Variants in HEG1 observed in about 807,000 individuals in gnomAD.
HEG1 encodes heart development protein with EGF like domains 1.
HEG1 carries 56 observed loss-of-function variants against 125.6 expected under a neutral mutation model. The observed-to-expected ratio is 0.45, with a 90% CI of 0.36 to 0.56. The LOEUF is 0.56. Ranked by LOEUF, HEG1 falls within the 20% of genes least tolerant of loss-of-function variation. HEG1 has a pLI of 0.00. For missense variants in HEG1, 1,523 were observed against 1,670.0 expected (o/e 0.91, Z 1.53); for synonymous variants, 644 against 668.5 (o/e 0.96, Z 0.57).
rs191714089 is a variant in HEG1, at chr3:124,989,923, T to C, written c.3733+864A>G. On this transcript the variant is annotated intron_variant, in intron 14 of 16. Coordinates refer to ENST00000311127, the MANE Select transcript of HEG1 (RefSeq NM_020733.2). ...CCCAACCCCAACAGTTCAGACCTCATATACTTTGCCAATCCAAATCCTCTA... is the reference window on the plus strand; with the variant it reads ...CCCAACCCCAACAGTTCAGACCTCACATACTTTGCCAATCCAAATCCTCTA... 2.2e-4 allele frequency among the ~76,000 whole-genome samples: 33 copies of C among 152,272 alleles called. No individual in the cohort carries two copies. The East Asian group carries it at 5.2e-3, about 24-fold the overall frequency.
chr3:125,017,326 A>C (rs1937266355), intron 5 of HEG1, among the ~76,000 whole-genome samples: 1 of 152,264 alleles, frequency 6.6e-6, no homozygotes, highest in African/African-American at 2.4e-5. Context: ...AAGTGCTGGG[A>C]TTACAGGCGT....
intron 11 of HEG1, among the ~76,000 whole-genome samples, chr3:124,999,265 C>A (rs1202786129): frequency 3.3e-5 from 5 of 152,166 alleles, no homozygotes; most frequent in Non-Finnish European, 7.3e-5. Flanking sequence ...GACAGAATTT[C>A]CTTTGTTTAT....
chr3:125,021,870 T>G (rs1331053142), intron 3 of HEG1, among the ~76,000 whole-genome samples: 2 of 152,218 alleles, frequency 1.3e-5, no homozygotes, highest in African/African-American at 2.4e-5. Context: ...CTTTGCCCCA[T>G]TAAGCTTTAG....
intron 12 of HEG1, among the ~76,000 whole-genome samples, chr3:124,991,528 T>C (rs56194376): frequency 0.64 from 96,725 of 152,058 alleles, 31,272 homozygotes; most frequent in South Asian, 0.74. Flanking sequence ...AAGTATTTTA[T>C]TGGAGGTGAT....
chr3:125,019,860 C>T (rs562160311), intron 4 of HEG1, among the ~76,000 whole-genome samples: 17 of 152,256 alleles, frequency 1.1e-4, no homozygotes, highest in African/African-American at 4.1e-4. Context: ...AACCTATAGG[C>T]TTGAGTGTTT....
chr3:124,986,795 G>A (rs552372467), intron 14 of HEG1, among the ~76,000 whole-genome samples: 6 of 152,284 alleles, frequency 3.9e-5, no homozygotes, highest in African/African-American at 1.4e-4. Context: ...GCTACTTCCA[G>A]AACCCCACAA....
At chr3:124,992,144 G>C (rs1936844936) in intron 12 of HEG1, among the ~76,000 whole-genome samples, 1 of 152,176 alleles carries the variant, frequency 6.6e-6, no homozygotes, top group African/African-American at 2.4e-5. Flanking sequence ...TTTCGTAACA[G>C]AATGCTCACC....
At chr3:124,984,788 C>CA (rs1560016810) in intron 14 of HEG1, among the ~76,000 whole-genome samples, 1 of 151,560 alleles carries the variant, frequency 6.6e-6, no homozygotes, top group Non-Finnish European at 1.5e-5. Flanking sequence ...AAAAAACAAC[C>CA]AAAAAACAAA....
intron 5 of HEG1, among the ~76,000 whole-genome samples, chr3:125,014,351 C>T (rs1338596394): frequency 1.3e-5 from 2 of 152,100 alleles, no homozygotes; most frequent in Non-Finnish European, 2.9e-5. Context: ...CTTAAGACCC[C>T]AAATAGAATA....
intron 3 of HEG1, among the ~76,000 whole-genome samples, chr3:125,026,402 A>C (rs926344821): frequency 3.3e-5 from 5 of 152,112 alleles, no homozygotes; most frequent in African/African-American, 1.2e-4. Flanking sequence ...AGCACAGAGG[A>C]CCAGATGGTT....
chr3:125,001,068 G>A (rs1386378727), intron 11 of HEG1, among the ~76,000 whole-genome samples: 1 of 152,140 alleles, frequency 6.6e-6, no homozygotes, highest in Non-Finnish European at 1.5e-5. Flanking sequence ...CACACCAGAG[G>A]CACTATAGAA....
chr3:125,019,047 T>C (rs1400255858), intron 5 of HEG1, among the ~76,000 whole-genome samples: 1 of 151,994 alleles, frequency 6.6e-6, no homozygotes, highest in African/African-American at 2.4e-5. Context: ...TTTGTATTGT[T>C]AGTAGAGACA....
chr3:124,998,797 A>T (rs561404162), intron 11 of HEG1, among the ~76,000 whole-genome samples: 1 of 152,308 alleles, frequency 6.6e-6, no homozygotes, highest in Admixed American at 6.5e-5. Flanking sequence ...TAGGAAACCA[A>T]CTGGATAGTG....
chr3:125,014,378 GA>G (rs1937209779), intron 5 of HEG1, among the ~76,000 whole-genome samples: 1 of 152,074 alleles, frequency 6.6e-6, no homozygotes, highest in Non-Finnish European at 1.5e-5. Flanking sequence ...ATGCCTAAAT[GA>G]AAAAAGGAAA....
intron 8 of HEG1, 191 bp downstream of exon 8, chr3:125,009,514 A>C (rs769755995): frequency 2.9e-5 from 13 of 448,274 alleles, no homozygotes; most frequent in Non-Finnish European, 4.7e-5. Flanking sequence ...CACATCAAAA[A>C]CATAATGCAA....
chr3:125,039,835 CA>C (rs71996831), intron 1 of HEG1, among the ~76,000 whole-genome samples: 42,102 of 131,994 alleles, frequency 0.32, 6,611 homozygotes, highest in African/African-American at 0.48. Context: ...AGAACAGAGC[CA>C]AAAAAAAAAA....
chr3:124,998,228 A>G (rs946392934), intron 11 of HEG1, among the ~76,000 whole-genome samples: 2 of 152,178 alleles, frequency 1.3e-5, no homozygotes, highest in African/African-American at 4.8e-5. Context: ...AGTTCTTAGG[A>G]AGCCGAGACT....
intron 9 of HEG1, among the ~76,000 whole-genome samples, chr3:125,003,844 C>T (rs767695463): frequency 1.1e-4 from 17 of 152,228 alleles, no homozygotes; most frequent in Admixed American, 2.6e-4. Flanking sequence ...CTCTCTGCCC[C>T]GTGCATCTCT....
intron 1 of HEG1, among the ~76,000 whole-genome samples, chr3:125,040,527 G>A (rs890396415): frequency 4.6e-5 from 7 of 152,134 alleles, no homozygotes; most frequent in Admixed American, 2.6e-4. Flanking sequence ...GCCCGTTCCT[G>A]CCTCCCCGGT....
Sources: gnomAD v4.1 joint callset for allele counts (sites outside exome capture counted in the v4.1 genomes callset) on GRCh38, gnomAD v4.1.1 for gene constraint, MANE v1.5 for transcripts, NCBI Gene and HGNC (gene_info 2026-07-23, HGNC 2026-07-21) for gene names.